The following XXYLT1 variants were observed in gnomAD, a reference collection of about 807,000 sequenced individuals.
XXYLT1 encodes the protein xyloside xylosyltransferase 1.
Under a neutral mutation model 28.9 loss-of-function variants are expected in XXYLT1, and 20 were observed. The ratio of observed to expected loss-of-function variants is 0.69; its 90% confidence interval spans 0.49 to 1.00. The LOEUF (loss-of-function observed/expected upper bound fraction) is 1.00, where lower values mean the gene tolerates loss of function less well. XXYLT1 is among the 50% of genes least tolerant of loss of function. XXYLT1 has a pLI of 0.00. For synonymous variants in XXYLT1, 257 were observed against 253.8 expected (o/e 1.01, Z -0.12); for missense variants, 542 against 560.1 (o/e 0.97, Z 0.33).
intron 2 of XXYLT1, among the ~76,000 whole-genome samples, chr3:195,218,323 TTAAAC>T (rs1723665292): frequency 2.0e-5 from 3 of 150,688 alleles, no homozygotes; most frequent in African/African-American, 7.3e-5. Flanking sequence ...TGGGATCTAA[TTAAAC>T]TAAAGAGCTT....
rs536033026 is a variant in XXYLT1 at position 195,103,862 on chromosome 3, T to C, written c.786-33751A>G. ...GCTGAAAATACTAGCTGGGGTCATA[T>C]GCTTCTGATTACTGAGAAAGGCCAG... On this transcript the variant is annotated intron_variant, in intron 3 of 3. Transcript: ENST00000310380. 3.3e-5 allele frequency among the ~76,000 whole-genome samples: 5 copies of C among 152,352 alleles called. No homozygotes were observed. The South Asian group carries it at 1.0e-3, about 32-fold the overall frequency.
chr3:195,198,160 G>T (rs1722707595), intron 2 of XXYLT1, among the ~76,000 whole-genome samples: 1 of 152,178 alleles, frequency 6.6e-6, no homozygotes, highest in African/African-American at 2.4e-5. Flanking sequence ...AAAAATTAAG[G>T]TGCATTTCCT....
intron 2 of XXYLT1, among the ~76,000 whole-genome samples, chr3:195,207,160 G>C (rs373280768): frequency 6.6e-6 from 1 of 152,192 alleles, no homozygotes; most frequent in East Asian, 1.9e-4. Flanking sequence ...GGGATGGCTC[G>C]CGGGTCTGAG....
intron 3 of XXYLT1, among the ~76,000 whole-genome samples, chr3:195,134,037 C>A (rs79390746): frequency 6.6e-6 from 1 of 152,048 alleles, no homozygotes; most frequent in African/African-American, 2.4e-5. Flanking sequence ...TATAGTGAGA[C>A]CCCTGCCAAG....
intron 1 of XXYLT1, among the ~76,000 whole-genome samples, chr3:195,265,270 T>G (rs1725812081): frequency 6.6e-6 from 1 of 151,164 alleles, no homozygotes; most frequent in Admixed American, 6.6e-5. Flanking sequence ...CTTGGGAGGC[T>G]GAGGCAGGAG....
At chr3:195,225,001 G>A (rs1723987089) in intron 2 of XXYLT1, among the ~76,000 whole-genome samples, 1 of 152,218 alleles carries the variant, frequency 6.6e-6, no homozygotes, top group Non-Finnish European at 1.5e-5. Context: ...GCTGTCCAGA[G>A]AGGTCATGTA....
At chr3:195,134,103 A>G (rs1397806609) in intron 3 of XXYLT1, among the ~76,000 whole-genome samples, 1 of 152,198 alleles carries the variant, frequency 6.6e-6, no homozygotes, top group African/African-American at 2.4e-5. Flanking sequence ...CAGCTGTACA[A>G]TATATTTGTG....
chr3:195,136,429 G>C (rs1719204027), intron 3 of XXYLT1, among the ~76,000 whole-genome samples: 1 of 152,242 alleles, frequency 6.6e-6, no homozygotes, highest in African/African-American at 2.4e-5. Flanking sequence ...TCAGGAAATA[G>C]AGGATGTGGT....
At chr3:195,099,617 T>C (rs1577024259) in intron 3 of XXYLT1, among the ~76,000 whole-genome samples, 1 of 151,838 alleles carries the variant, frequency 6.6e-6, no homozygotes, top group Non-Finnish European at 1.5e-5. Context: ...GATTACGAGG[T>C]CAGAAGATCA....
intron 2 of XXYLT1, among the ~76,000 whole-genome samples, chr3:195,204,846 ACT>A (rs1327511178): frequency 2.0e-5 from 3 of 152,334 alleles, no homozygotes; most frequent in South Asian, 2.1e-4. Flanking sequence ...ATTCTGTGAC[ACT>A]GTTTTCAGAT....
intron 2 of XXYLT1, among the ~76,000 whole-genome samples, chr3:195,185,111 AAGGAAGGAAG>A (rs2108743660): frequency 7.8e-6 from 1 of 127,594 alleles, no homozygotes. Flanking sequence ...GGAAGGAAGG[AAGGAAGGAAG>A]GAAGGAAGGA....
At chr3:195,232,611 A>G (rs545092985) in intron 1 of XXYLT1, among the ~76,000 whole-genome samples, 39 of 152,216 alleles carry the variant, frequency 2.6e-4, no homozygotes, top group African/African-American at 8.4e-4. Context: ...GAAATTTTTC[A>G]ATTTCTTTCT....
intron 1 of XXYLT1, among the ~76,000 whole-genome samples, chr3:195,234,609 G>A (rs137989088): frequency 0.011 from 1,683 of 152,140 alleles, 23 homozygotes; most frequent in African/African-American, 0.038. Flanking sequence ...ATGAGCCACC[G>A]CACCCAGCCT....
chr3:195,159,525 G>A (rs1452455122), intron 2 of XXYLT1, among the ~76,000 whole-genome samples: 1 of 152,150 alleles, frequency 6.6e-6, no homozygotes, highest in Non-Finnish European at 1.5e-5. Flanking sequence ...GACTAACCAG[G>A]CACCCAACAC....
At chr3:195,193,160 C>T (rs781492621) in intron 2 of XXYLT1, among the ~76,000 whole-genome samples, 7 of 151,786 alleles carry the variant, frequency 4.6e-5, no homozygotes, top group Non-Finnish European at 7.4e-5. Flanking sequence ...TGGTGGTGTG[C>T]GCCTGTAATC....
chr3:195,235,849 T>C lies in XXYLT1; in HGVS notation c.505-8993A>G, dbSNP rs144688395. 3.3e-4 allele frequency among the ~76,000 whole-genome samples: 50 copies of C among 152,332 alleles called. 1 individual carries two copies. The highest frequency in any genetic ancestry group is 9.9e-4 in the African/African-American group (41 of 41,570). ...TCTCCGAATTACTTGTTCTCTTCCC[T>C]ATCTCCCAGATGAATGCAATCTCTC... On this transcript the variant is annotated intron_variant, in intron 1 of 3. Coordinates refer to ENST00000310380, the MANE Select transcript of XXYLT1 (RefSeq NM_152531.5).
At chr3:195,261,751 C>T (rs989336632) in intron 1 of XXYLT1, among the ~76,000 whole-genome samples, 6 of 152,206 alleles carry the variant, frequency 3.9e-5, no homozygotes, top group African/African-American at 1.4e-4. Context: ...ATGTAGTTGT[C>T]CTTAGCAACA....
chr3:195,181,282 C>T (rs995505749), intron 2 of XXYLT1, among the ~76,000 whole-genome samples: 21 of 152,284 alleles, frequency 1.4e-4, no homozygotes, highest in African/African-American at 4.1e-4. Flanking sequence ...TGCGTGGCTG[C>T]GTGGCTGCGG....
At chr3:195,233,888 A>C (rs1724408096) in intron 1 of XXYLT1, among the ~76,000 whole-genome samples, 1 of 152,108 alleles carries the variant, frequency 6.6e-6, no homozygotes, top group Non-Finnish European at 1.5e-5. Context: ...CTTTTATTTC[A>C]GACTAAATAA....
Sources: allele counts gnomAD v4.1 joint callset (sites outside exome capture counted in the v4.1 genomes callset), GRCh38; gene constraint gnomAD v4.1.1; transcripts MANE v1.5; gene names NCBI Gene and HGNC (gene_info 2026-07-23, HGNC 2026-07-21).